ASIC2: variants seen among roughly 807,000 people sequenced by gnomAD.
The protein encoded by ASIC2 is acid-sensing ion channel 2.
Under a neutral mutation model 57.3 loss-of-function variants are expected in ASIC2, and 25 were observed. The observed-to-expected ratio is 0.44, with a 90% CI of 0.32 to 0.61. The LOEUF is 0.61. Among genes scored for constraint, ASIC2 ranks in the 20% least tolerant of loss-of-function variants. ASIC2 has a pLI of 0.06. For synonymous variants in ASIC2, 319 were observed against 307.5 expected (o/e 1.04, Z -0.39); for missense variants, 641 against 738.1 (o/e 0.87, Z 1.52).
intron 1 of ASIC2, among the ~76,000 whole-genome samples, chr17:33,837,484 T>C (rs984593316): frequency 6.6e-5 from 10 of 152,216 alleles, no homozygotes; most frequent in African/African-American, 2.4e-4. Flanking sequence ...TGCTTTCAAT[T>C]AACCAATGTA....
chr17:33,893,833 C>T (rs1306755364), intron 1 of ASIC2, among the ~76,000 whole-genome samples: 2 of 152,224 alleles, frequency 1.3e-5, no homozygotes, highest in African/African-American at 4.8e-5. Context: ...AGACACTCAA[C>T]AAATATTCCT....
At chr17:34,087,832 T>C (rs563371781) in intron 1 of ASIC2, among the ~76,000 whole-genome samples, 3 of 152,212 alleles carry the variant, frequency 2.0e-5, no homozygotes. Flanking sequence ...TTGATCGCAT[T>C]GGCTACTGAG....
At chr17:33,095,419 G>T (rs1264470378) in intron 2 of ASIC2, among the ~76,000 whole-genome samples, 1 of 152,190 alleles carries the variant, frequency 6.6e-6, no homozygotes, top group African/African-American at 2.4e-5. Flanking sequence ...TGGGGACAGG[G>T]TCAATGTTCA....
intron 1 of ASIC2, among the ~76,000 whole-genome samples, chr17:33,261,354 C>T (rs1481139991): frequency 6.6e-6 from 1 of 152,204 alleles, no homozygotes; most frequent in Non-Finnish European, 1.5e-5. Flanking sequence ...TAGAAAACAG[C>T]TGTTTTCTGA....
intron 1 of ASIC2, among the ~76,000 whole-genome samples, chr17:34,106,316 A>G (rs1470838831): frequency 6.6e-6 from 1 of 152,122 alleles, no homozygotes; most frequent in Non-Finnish European, 1.5e-5. Flanking sequence ...TTTAACTGAC[A>G]GTCAGTATAT....
intron 1 of ASIC2, among the ~76,000 whole-genome samples, chr17:33,274,386 G>A (rs1242121883): frequency 6.6e-6 from 1 of 152,194 alleles, no homozygotes; most frequent in East Asian, 1.9e-4. Flanking sequence ...AAAAAGGCCA[G>A]AAGTGAAGTC....
chr17:33,251,702 A>G (rs970535998), intron 1 of ASIC2, among the ~76,000 whole-genome samples: 12 of 152,132 alleles, frequency 7.9e-5, no homozygotes, highest in Non-Finnish European at 1.5e-4. Flanking sequence ...AATTTTTCCC[A>G]CTTTGCATAT....
At chr17:33,664,361 T>C (rs952461493) in intron 1 of ASIC2, among the ~76,000 whole-genome samples, 3 of 152,194 alleles carry the variant, frequency 2.0e-5, no homozygotes, top group Non-Finnish European at 4.4e-5. Context: ...GGGTTTTTCT[T>C]CATTGCATGC....
intron 1 of ASIC2, among the ~76,000 whole-genome samples, chr17:33,128,535 T>C (rs1246532096): frequency 6.6e-6 from 1 of 152,102 alleles, no homozygotes; most frequent in Admixed American, 6.6e-5. Flanking sequence ...AGGAGGGAAG[T>C]TGGCAGGAGA....
chr17:33,711,860 C>T (rs895558856), intron 1 of ASIC2, among the ~76,000 whole-genome samples: 1 of 152,164 alleles, frequency 6.6e-6, no homozygotes, highest in Non-Finnish European at 1.5e-5. Context: ...GACACAAAAT[C>T]AAATCATATC....
At chr17:33,849,608 AG>A (rs1230724551) in intron 1 of ASIC2, among the ~76,000 whole-genome samples, 1 of 152,200 alleles carries the variant, frequency 6.6e-6, no homozygotes, top group Non-Finnish European at 1.5e-5. Flanking sequence ...GAGACTTGCC[AG>A]GGAGGAAGCC....
chr17:33,435,577 C>A (rs544803185), intron 1 of ASIC2, among the ~76,000 whole-genome samples: 1 of 152,184 alleles, frequency 6.6e-6, no homozygotes, highest in South Asian at 2.1e-4. Context: ...AATGAGGGAG[C>A]CAGTCATTAT....
chr17:33,881,412 G>A (rs1324106319), intron 1 of ASIC2, among the ~76,000 whole-genome samples: 2 of 152,200 alleles, frequency 1.3e-5, no homozygotes, highest in African/African-American at 4.8e-5. Flanking sequence ...CTTCAGCAAA[G>A]TCTCAGGATA....
chr17:33,705,569 C>T (rs1260913132), intron 1 of ASIC2, among the ~76,000 whole-genome samples: 2 of 151,960 alleles, frequency 1.3e-5, no homozygotes, highest in Non-Finnish European at 2.9e-5. Context: ...GAAGGCCATA[C>T]GATGATGGAG....
chr17:33,579,677 C>T (rs947497885), intron 1 of ASIC2, among the ~76,000 whole-genome samples: 2 of 152,124 alleles, frequency 1.3e-5, no homozygotes, highest in Non-Finnish European at 2.9e-5. Flanking sequence ...TGGCAGACTT[C>T]TAGAGTGAAG....
intron 1 of ASIC2, among the ~76,000 whole-genome samples, chr17:33,956,439 G>A (rs764033810): frequency 3.3e-5 from 5 of 152,110 alleles, no homozygotes; most frequent in African/African-American, 7.2e-5. Context: ...AAGGTGTCAC[G>A]GAAGCTCTGA....
chr17:33,926,054 T>C (rs71379428), intron 1 of ASIC2, among the ~76,000 whole-genome samples: 2 of 152,240 alleles, frequency 1.3e-5, no homozygotes, highest in Admixed American at 6.5e-5. Context: ...CTTGCAGTGA[T>C]GTTTTGGGAG....
At chr17:34,091,264 A>T (rs1910319995) in intron 1 of ASIC2, among the ~76,000 whole-genome samples, 1 of 152,250 alleles carries the variant, frequency 6.6e-6, no homozygotes, top group South Asian at 2.1e-4. Context: ...ATTGTCTGGA[A>T]CTTCTTAGAG....
chr17:33,901,080 C>T (rs2046423409), intron 1 of ASIC2, among the ~76,000 whole-genome samples: 1 of 152,174 alleles, frequency 6.6e-6, no homozygotes, highest in African/African-American at 2.4e-5. Flanking sequence ...CCTACTATGA[C>T]AAAGTCCTCC....
Sources: gnomAD v4.1 joint callset for allele counts (sites outside exome capture counted in the v4.1 genomes callset) on GRCh38, gnomAD v4.1.1 for gene constraint, MANE v1.5 for transcripts, NCBI Gene and HGNC (gene_info 2026-07-23, HGNC 2026-07-21) for gene names.